Variants in SLC39A11 observed in about 807,000 individuals in gnomAD.
SLC39A11 encodes the protein zinc transporter ZIP11.
A neutral mutation model predicts 36.1 loss-of-function variants in SLC39A11; 33 were observed. The observed-to-expected ratio is 0.91, with a 90% CI of 0.69 to 1.22. The LOEUF is 1.22. Ranked by LOEUF, SLC39A11 falls within the 50% of genes most tolerant of loss-of-function variation. SLC39A11 has a pLI of 0.00. For missense variants in SLC39A11, 432 were observed against 430.3 expected, an observed-to-expected ratio of 1.00 and a Z score of -0.03; for synonymous variants, 166 against 170.3, an observed-to-expected ratio of 0.97 and a Z score of 0.20.
intron 5 of SLC39A11, among the ~76,000 whole-genome samples, chr17:72,902,685 A>C (rs545610280): frequency 7.9e-5 from 12 of 152,342 alleles, no homozygotes; most frequent in African/African-American, 2.9e-4. Flanking sequence ...AACCGGACAT[A>C]CTTTGAAAAC....
At chr17:72,928,448 C>A (rs926714061) in intron 5 of SLC39A11, among the ~76,000 whole-genome samples, 1 of 152,128 alleles carries the variant, frequency 6.6e-6, no homozygotes, top group Non-Finnish European at 1.5e-5. Context: ...TTCATTTAGT[C>A]CAAGCTCTGA....
At chr17:73,002,156 G>A (rs1178091497) in intron 4 of SLC39A11, among the ~76,000 whole-genome samples, 1 of 152,028 alleles carries the variant, frequency 6.6e-6, no homozygotes, top group Non-Finnish European at 1.5e-5. Context: ...AAAATATGCT[G>A]TCAATTAAAC....
At chr17:73,061,655 A>G (rs1420898365) in intron 3 of SLC39A11, among the ~76,000 whole-genome samples, 24 of 152,220 alleles carry the variant, frequency 1.6e-4, no homozygotes, top group Admixed American at 1.4e-3. Flanking sequence ...TAGAGGGCTT[A>G]GACAACTACT....
At chr17:72,897,628 A>C (rs1470515939) in intron 5 of SLC39A11, among the ~76,000 whole-genome samples, 3 of 152,198 alleles carry the variant, frequency 2.0e-5, no homozygotes, top group Non-Finnish European at 2.9e-5. Context: ...TGGTGATGTC[A>C]GGATCCTTGT....
intron 4 of SLC39A11, among the ~76,000 whole-genome samples, chr17:73,009,118 C>T (rs1431155715): frequency 6.7e-6 from 1 of 148,770 alleles, no homozygotes; most frequent in Non-Finnish European, 1.5e-5. Context: ...AATTTCAGCA[C>T]TTTGGGAGGC....
chr17:72,817,263 G>A (rs1051100009), intron 6 of SLC39A11, among the ~76,000 whole-genome samples: 13 of 148,850 alleles, frequency 8.7e-5, no homozygotes, highest in African/African-American at 3.0e-4. Flanking sequence ...CATGTGCAGA[G>A]GTCAATGGCA....
At chr17:72,886,900 A>G (rs561727655) in intron 5 of SLC39A11, among the ~76,000 whole-genome samples, 14 of 152,068 alleles carry the variant, frequency 9.2e-5, no homozygotes, top group Non-Finnish European at 1.3e-4. Flanking sequence ...ATCTCTTCAC[A>G]CTCACTCTTG....
chr17:72,663,601 G>A (rs1434434110), intron 7 of SLC39A11, among the ~76,000 whole-genome samples: 1 of 152,152 alleles, frequency 6.6e-6, no homozygotes, highest in Non-Finnish European at 1.5e-5. Context: ...AGGCAGCAGT[G>A]CAAGGCCCCA....
chr17:72,920,629 C>T (rs1376901796), intron 5 of SLC39A11, among the ~76,000 whole-genome samples: 1 of 145,606 alleles, frequency 6.9e-6, no homozygotes, highest in African/African-American at 2.6e-5. Context: ...TACACACACA[C>T]ACACCTCCTA....
chr17:72,914,413 A>G (rs1409193111), intron 5 of SLC39A11, among the ~76,000 whole-genome samples: 1 of 152,232 alleles, frequency 6.6e-6, no homozygotes, highest in African/African-American at 2.4e-5. Context: ...GCAGTGATAT[A>G]GTATTAGGTA....
At chr17:72,759,770 C>CTAAA (rs1186652946) in intron 6 of SLC39A11, among the ~76,000 whole-genome samples, 5 of 151,796 alleles carry the variant, frequency 3.3e-5, no homozygotes, top group Admixed American at 1.3e-4. Context: ...GGAAAATGAG[C>CTAAA]TAAAACATTT....
At chr17:72,945,252 T>A (rs924793853) in intron 5 of SLC39A11, among the ~76,000 whole-genome samples, 2 of 152,248 alleles carry the variant, frequency 1.3e-5, no homozygotes, top group Non-Finnish European at 1.5e-5. Flanking sequence ...TCACTGCTGC[T>A]GCTCCTCAGA....
chr17:72,661,147 C>A (rs1379010826), intron 7 of SLC39A11, among the ~76,000 whole-genome samples: 1 of 152,226 alleles, frequency 6.6e-6, no homozygotes, highest in East Asian at 1.9e-4. Context: ...CACCAGGCCT[C>A]AGCTCCCTTA....
chr17:72,806,138 G>A (rs1002970502), intron 6 of SLC39A11, among the ~76,000 whole-genome samples: 1 of 152,062 alleles, frequency 6.6e-6, no homozygotes, highest in African/African-American at 2.4e-5. Context: ...GATCCTTTTG[G>A]ACTAGTGAAG....
intron 4 of SLC39A11, 63 bp downstream of exon 4, chr17:73,031,493 T>G: frequency 6.4e-7 from 1 of 1,570,456 alleles, no homozygotes; most frequent in Non-Finnish European, 8.7e-7. Context: ...TGATCAGAAA[T>G]AAATTCATTG....
At position 72,958,866 on chromosome 17, in the gene SLC39A11, G is replaced by GAAA. The variant is rs1352681278; in HGVS notation, c.307-10994_307-10992dup. Among the ~76,000 whole-genome samples the GAAA allele has an allele frequency of 2.1e-3, 205 of 95,444 alleles. 1 individual carries two copies. The highest frequency in any genetic ancestry group is 7.5e-3 in the African/African-American group (189 of 25,092). 62.6% of individuals were successfully genotyped at this position (95,444 alleles called of 152,430 possible). A position where few individuals can be genotyped will look rare whatever the true frequency, so the allele number is the denominator to read the frequency against. On this transcript the variant is annotated intron_variant, in intron 4 of 9. Transcript: ENST00000255559. Reference sequence around the variant, plus strand: ...ACTCTGTCTTAAAAAAAAGAAAAAAGAAAAAAAAAAAAAGAAGATACACAA... The same window carrying GAAA: ...ACTCTGTCTTAAAAAAAAGAAAAAAGAAAAAAAAAAAAAAAAGAAGATACACAA...
intron 4 of SLC39A11, among the ~76,000 whole-genome samples, chr17:73,017,782 G>A (rs1250936864): frequency 2.0e-5 from 3 of 152,106 alleles, no homozygotes; most frequent in Non-Finnish European, 4.4e-5. Context: ...AATTTGCAGA[G>A]TAGGATACCA....
At chr17:72,924,162 A>AAAATTT (rs560384382) in intron 5 of SLC39A11, among the ~76,000 whole-genome samples, 1 of 120,568 alleles carries the variant, frequency 8.3e-6, no homozygotes, top group Non-Finnish European at 1.6e-5. Flanking sequence ...AAAAAAAAAA[A>AAAATTT]TTTTTTTTTT....
rs576463249 is a variant in SLC39A11 at position 72,668,989 on chromosome 17, CAT to C, written c.672-19723_672-19722del. Among the ~76,000 whole-genome samples the C allele has an allele frequency of 8.5e-5, 13 of 152,278 alleles. No homozygotes were observed. The South Asian group carries it at 1.9e-3, about 22-fold the overall frequency. On this transcript the variant is annotated intron_variant, in intron 7 of 9. Coordinates refer to ENST00000255559, the MANE Select transcript of SLC39A11 (RefSeq NM_139177.4). ...CAAATAAAACGATACAAGGGAAACA[CAT>C]AAAACAATAGCAACAACTAACCAAA...
Sources: allele counts gnomAD v4.1 joint callset (sites outside exome capture counted in the v4.1 genomes callset), GRCh38; gene constraint gnomAD v4.1.1; transcripts MANE v1.5; gene names NCBI Gene and HGNC (gene_info 2026-07-23, HGNC 2026-07-21).